The following SORCS2 variants were observed in gnomAD, a reference collection of about 807,000 sequenced individuals.
The protein encoded by SORCS2 is VPS10 domain-containing receptor SorCS2.
In SORCS2, 100 loss-of-function variants were observed where a neutral mutation model predicts 141.6. That is an observed-to-expected ratio of 0.71 (90% CI 0.60 to 0.83). The LOEUF (loss-of-function observed/expected upper bound fraction) is 0.83. Ranked by LOEUF, SORCS2 falls within the 40% of genes least tolerant of loss-of-function variation. SORCS2 has a pLI of 0.00. For missense variants in SORCS2, 1,646 were observed against 1,560.2 expected (o/e 1.05, Z -0.93); for synonymous variants, 789 against 676.9 (o/e 1.17, Z -2.57).
chr4:7,579,520 C>T (rs4513570), intron 3 of SORCS2, among the ~76,000 whole-genome samples: 83 of 152,302 alleles, frequency 5.4e-4, no homozygotes, highest in African/African-American at 1.9e-3. Context: ...GACTGGAACC[C>T]TCCCCTTGGT....
rs1319355025 is a variant in SORCS2 at position 7,714,317 on chromosome 4, C to A, written c.2067C>A (p.Ser689Arg). ...KSTSWCIKGR[S>R]FTSALTSRVC... Reference sequence around the variant, plus strand: ...CGTCCTGGTGCATCAAGGGGAGGAGCTTCACGTCGGCGCTCACGTCCCGCG... The same window carrying A: ...CGTCCTGGTGCATCAAGGGGAGGAGATTCACGTCGGCGCTCACGTCCCGCG... Residue 689 changes from serine (S) to arginine (R), a missense_variant, in exon 16 of 27, where the codon AGC becomes AGA. By Grantham distance (110) the Ser-to-Arg change is moderately radical. Coordinates refer to ENST00000507866, the MANE Select transcript of SORCS2 (RefSeq NM_020777.3). 1.3e-6 allele frequency: 2 copies of A among 1,592,936 alleles called. No homozygotes were observed. The highest frequency in any genetic ancestry group is 2.7e-5 in the African/African-American group (2 of 74,468).
At chr4:7,638,221 C>G in intron 3 of SORCS2, 107 bp from the exon 4 acceptor site, 1 of 1,326,336 alleles carries the variant, frequency 7.5e-7, no homozygotes, top group Non-Finnish European at 1.0e-6. Flanking sequence ...AACCCCCTTT[C>G]TGGTGTGAGG....
intron 1 of SORCS2, among the ~76,000 whole-genome samples, chr4:7,230,403 C>A (rs1348958409): frequency 1.7e-5 from 2 of 117,878 alleles, no homozygotes; most frequent in Admixed American, 1.7e-4. Context: ...AGTCTCTGGG[C>A]CGGAGCAGTG....
At chr4:7,551,815 G>T (rs555181203) in intron 3 of SORCS2, among the ~76,000 whole-genome samples, 72 of 152,206 alleles carry the variant, frequency 4.7e-4, no homozygotes, top group Admixed American at 7.2e-4. Flanking sequence ...AGTGCCTCCT[G>T]GGCTGGGTCC....
At chr4:7,602,011 C>G (rs931542138) in intron 3 of SORCS2, among the ~76,000 whole-genome samples, 1 of 152,172 alleles carries the variant, frequency 6.6e-6, no homozygotes, top group Non-Finnish European at 1.5e-5. Flanking sequence ...TAACAGCATC[C>G]CAAGGCAGAA....
At chr4:7,544,646 C>T (rs10470723) in intron 3 of SORCS2, among the ~76,000 whole-genome samples, 99,179 of 152,178 alleles carry the variant, frequency 0.65, 34,392 homozygotes, top group East Asian at 0.88. Context: ...ATTCTCTGTT[C>T]AGCTCAGCAC....
chr4:7,569,974 T>C (rs1441974433), intron 3 of SORCS2, among the ~76,000 whole-genome samples: 1 of 152,138 alleles, frequency 6.6e-6, no homozygotes, highest in Non-Finnish European at 1.5e-5. Context: ...GATGAGGTGC[T>C]TTGTTCTTCA....
Position 7,552,276 on chromosome 4 carries a change from G to T in SORCS2, c.648+20647G>T, listed in dbSNP as rs894493478. ...GGTATCTTTGGGATCTCTGAACTCA[G>T]CGTTGACTATTTTCCTGGTCATGGC... On this transcript the variant is annotated intron_variant, in intron 3 of 26. Coordinates refer to ENST00000507866, the MANE Select transcript of SORCS2 (RefSeq NM_020777.3). Among the ~76,000 whole-genome samples the T allele has an allele frequency of 3.3e-5, 5 of 152,258 alleles. No individual in the cohort carries two copies. In the South Asian group the frequency reaches 1.0e-3, roughly 32 times the overall value.
At chr4:7,251,250 T>G (rs1713491353) in intron 1 of SORCS2, among the ~76,000 whole-genome samples, 1 of 152,276 alleles carries the variant, frequency 6.6e-6, no homozygotes, top group African/African-American at 2.4e-5. Context: ...TTCTGAGCTC[T>G]GCCTCTTTTC....
At chr4:7,593,490 C>T (rs930982170) in intron 3 of SORCS2, among the ~76,000 whole-genome samples, 5 of 152,272 alleles carry the variant, frequency 3.3e-5, no homozygotes, top group African/African-American at 1.2e-4. Context: ...CATGAGAGAC[C>T]CGGATGTCCT....
At chr4:7,344,386 C>T (rs1720534059) in intron 1 of SORCS2, among the ~76,000 whole-genome samples, 1 of 152,218 alleles carries the variant, frequency 6.6e-6, no homozygotes, top group African/African-American at 2.4e-5. Flanking sequence ...AGGCGCCCTG[C>T]CTAGCACTCA....
intron 26 of SORCS2, among the ~76,000 whole-genome samples, chr4:7,737,716 C>A (rs898139668): frequency 2.0e-5 from 3 of 152,250 alleles, no homozygotes; most frequent in African/African-American, 7.2e-5. Context: ...AGCTGCATGA[C>A]AAACCGCCCA....
intron 1 of SORCS2, among the ~76,000 whole-genome samples, chr4:7,231,642 C>A (rs570324594): frequency 2.6e-5 from 4 of 152,202 alleles, no homozygotes; most frequent in East Asian, 3.8e-4. Context: ...AACGGGGCAG[C>A]CTACTGAAGC....
At chr4:7,498,319 T>C (rs1024037975) in intron 2 of SORCS2, among the ~76,000 whole-genome samples, 1 of 152,208 alleles carries the variant, frequency 6.6e-6, no homozygotes, top group Non-Finnish European at 1.5e-5. Flanking sequence ...CGCAACCCTT[T>C]GCTACGGGTA....
intron 7 of SORCS2, among the ~76,000 whole-genome samples, chr4:7,666,649 G>A (rs1490916142): frequency 6.6e-6 from 1 of 152,120 alleles, no homozygotes; most frequent in African/African-American, 2.4e-5. Flanking sequence ...CTGTCCTGAC[G>A]GGCCTTTCTG....
chr4:7,292,159 C>A (rs1716649682), intron 1 of SORCS2, among the ~76,000 whole-genome samples: 1 of 152,238 alleles, frequency 6.6e-6, no homozygotes. Flanking sequence ...GCTTCACAGT[C>A]CGTTCACCAA....
intron 1 of SORCS2, among the ~76,000 whole-genome samples, chr4:7,364,935 C>T (rs929767015): frequency 5.1e-4 from 78 of 152,368 alleles, no homozygotes; most frequent in African/African-American, 1.9e-3. Context: ...GGCTCTGCCA[C>T]ATCCCAGCTG....
intron 1 of SORCS2, among the ~76,000 whole-genome samples, chr4:7,240,525 C>G (rs976434537): frequency 6.6e-6 from 1 of 152,086 alleles, no homozygotes; most frequent in Admixed American, 6.5e-5. Context: ...AACGTTTCCC[C>G]GTCCTCGTGG....
chr4:7,320,725 A>G (rs1718844623), intron 1 of SORCS2, among the ~76,000 whole-genome samples: 1 of 152,162 alleles, frequency 6.6e-6, no homozygotes, highest in African/African-American at 2.4e-5. Flanking sequence ...TCAGTTGTCC[A>G]TGGAAGGCTG....
Sources: allele counts gnomAD v4.1 joint callset (sites outside exome capture counted in the v4.1 genomes callset), GRCh38; gene constraint gnomAD v4.1.1; transcripts MANE v1.5; gene names NCBI Gene and HGNC (gene_info 2026-07-23, HGNC 2026-07-21).